The following STOX2 variants were observed in gnomAD, a reference collection of about 807,000 sequenced individuals.
The protein encoded by STOX2 is storkhead box 2.
A neutral mutation model predicts 60.9 loss-of-function variants in STOX2; 28 were observed. The ratio of observed to expected loss-of-function variants is 0.46; its 90% CI spans 0.34 to 0.63. The LOEUF (loss-of-function observed/expected upper bound fraction) is 0.63, where lower values mean the gene tolerates loss of function less well. Ranked by LOEUF, STOX2 falls within the 30% of genes least tolerant of loss-of-function variation. The probability of loss-of-function intolerance (pLI) is 0.01; values close to 1 mark genes in which losing one functional copy is unlikely to be tolerated. For missense variants in STOX2, 1,024 were observed against 1,187.7 expected (o/e 0.86, Z 2.03); for synonymous variants, 472 against 463.9 (o/e 1.02, Z -0.22).
At chr4:183,961,654 G>A (rs548918944) in intron 1 of STOX2, among the ~76,000 whole-genome samples, 1 of 152,268 alleles carries the variant, frequency 6.6e-6, no homozygotes, top group African/African-American at 2.4e-5. Context: ...GTGACGTCTG[G>A]GCTTTTAGTG....
chr4:183,915,064 T>G (rs1393504377), intron 1 of STOX2, among the ~76,000 whole-genome samples: 1 of 152,246 alleles, frequency 6.6e-6, no homozygotes, highest in East Asian at 1.9e-4. Context: ...AGGTAACTCA[T>G]ACACACAGTC....
chr4:183,898,699 A>G (rs1377438505), intron 1 of STOX2, among the ~76,000 whole-genome samples: 1 of 152,200 alleles, frequency 6.6e-6, no homozygotes, highest in Non-Finnish European at 1.5e-5. Flanking sequence ...GAGAGCCTGT[A>G]GAGAGTGACA....
chr4:183,911,884 G>A (rs1280641137), intron 1 of STOX2, among the ~76,000 whole-genome samples: 2 of 152,092 alleles, frequency 1.3e-5, no homozygotes, highest in African/African-American at 4.8e-5. Context: ...TAATCTATAA[G>A]GTATAAAGTA....
chr4:183,948,339 C>T (rs6852122), intron 1 of STOX2, among the ~76,000 whole-genome samples: 113,158 of 150,632 alleles, frequency 0.75, 43,750 homozygotes, highest in Middle Eastern at 0.87. Flanking sequence ...TTTTAGGTTG[C>T]GCATTTATTA....
At chr4:183,901,315 A>G (rs776487170), upstream of STOX2, among the ~76,000 whole-genome samples, 2 of 152,268 alleles carry the variant, frequency 1.3e-5, no homozygotes, top group Middle Eastern at 3.4e-3. Flanking sequence ...TCATCCCTCA[A>G]TGGGTACTTG....
intron 1 of STOX2, among the ~76,000 whole-genome samples, chr4:183,822,058 C>A (rs577924874): frequency 6.6e-6 from 1 of 152,326 alleles, no homozygotes; most frequent in East Asian, 1.9e-4. Context: ...GCTCTGCAAA[C>A]TTCCCGTCCT....
chr4:183,908,042 TC>T (rs1181570785), intron 1 of STOX2, among the ~76,000 whole-genome samples: 3 of 152,200 alleles, frequency 2.0e-5, no homozygotes, highest in African/African-American at 7.2e-5. Context: ...TTACTCTTTT[TC>T]TCCTAAAACA....
Position 183,906,787 on chromosome 4 carries a change from C to T in STOX2, c.-4C>T. Reference sequence around the variant, plus strand: ...GATCGGGGCGGCAGGTCGCCCTCCCCACCATGAAGAAGACCCGGAGCACAA... The same window carrying T: ...GATCGGGGCGGCAGGTCGCCCTCCCTACCATGAAGAAGACCCGGAGCACAA... On this transcript the variant is annotated 5_prime_UTR_variant, in exon 1 of 4. Transcript: ENST00000308497. 6.5e-7 allele frequency: 1 copy of T among 1,527,044 alleles called. No individual in the cohort carries two copies. The highest frequency in any genetic ancestry group is 8.8e-7 in the Non-Finnish European group (1 of 1,132,586). The allele number at this position is 1,527,044 out of a possible 1,614,324, so 94.6% of individuals were successfully genotyped here. A position where few individuals can be genotyped will look rare whatever the true frequency, so the allele number is the denominator to read the frequency against.
chr4:183,908,900 A>C (rs1741699971), intron 1 of STOX2, among the ~76,000 whole-genome samples: 2 of 152,204 alleles, frequency 1.3e-5, no homozygotes. Flanking sequence ...TTCATTCAGC[A>C]TTTTTATGGC....
chr4:183,811,599 G>A (rs1739035153), intron 1 of STOX2, among the ~76,000 whole-genome samples: 1 of 152,222 alleles, frequency 6.6e-6, no homozygotes, highest in Non-Finnish European at 1.5e-5. Context: ...AAGCAGGAAG[G>A]GGAATAGAAG....
intron 1 of STOX2, among the ~76,000 whole-genome samples, chr4:183,800,707 C>G (rs929843375): frequency 6.6e-6 from 1 of 152,196 alleles, no homozygotes; most frequent in African/African-American, 2.4e-5. Context: ...TAAGTCTTAT[C>G]ATTCTTGTGG....
intron 1 of STOX2, among the ~76,000 whole-genome samples, chr4:183,861,776 C>A (rs1415254061): frequency 6.6e-6 from 1 of 152,102 alleles, no homozygotes; most frequent in East Asian, 1.9e-4. Context: ...TATCATTTTT[C>A]CTATATTTAT....
intron 1 of STOX2, among the ~76,000 whole-genome samples, chr4:183,907,645 T>C (rs1002536180): frequency 3.3e-5 from 5 of 152,188 alleles, no homozygotes; most frequent in East Asian, 3.8e-4. Flanking sequence ...AGGGAAGGCT[T>C]CAAAAAAGAT....
chr4:183,958,536 T>C (rs1579469321), intron 1 of STOX2, among the ~76,000 whole-genome samples: 2 of 152,324 alleles, frequency 1.3e-5, no homozygotes, highest in Middle Eastern at 6.8e-3. Context: ...TCCAAAATTA[T>C]TTCATGACTT....
At chr4:183,835,398 G>C (rs559391090) in intron 1 of STOX2, among the ~76,000 whole-genome samples, 109 of 151,870 alleles carry the variant, frequency 7.2e-4, no homozygotes, top group African/African-American at 2.5e-3. Context: ...TAATTTTTTT[G>C]TATTTTTAGT....
intron 1 of STOX2, among the ~76,000 whole-genome samples, chr4:183,936,547 C>T (rs1057325873): frequency 1.3e-5 from 2 of 151,770 alleles, no homozygotes; most frequent in African/African-American, 4.8e-5. Context: ...TTGACCAAAG[C>T]ACTGAATTGT....
intron 1 of STOX2, among the ~76,000 whole-genome samples, chr4:183,945,339 A>G (rs777869060): frequency 6.6e-6 from 1 of 152,170 alleles, no homozygotes; most frequent in African/African-American, 2.4e-5. Context: ...TACACAGCGG[A>G]GAGAGAGAGG....
At chr4:183,875,560 C>T (rs1048626096) in intron 1 of STOX2, among the ~76,000 whole-genome samples, 1 of 152,232 alleles carries the variant, frequency 6.6e-6, no homozygotes, top group Non-Finnish European at 1.5e-5. Context: ...GCGGGCTTTG[C>T]AGCCTCCTCC....
intron 3 of STOX2, chr4:184,015,691 G>A (rs1007944711): frequency 6.6e-6 from 1 of 152,254 alleles, no homozygotes; most frequent in Non-Finnish European, 1.5e-5. Flanking sequence ...TGAAAGAGAG[G>A]AGAGGATGTC....
Sources: gnomAD v4.1 joint callset for allele counts (sites outside exome capture counted in the v4.1 genomes callset) on GRCh38, gnomAD v4.1.1 for gene constraint, MANE v1.5 for transcripts, NCBI Gene and HGNC (gene_info 2026-07-23, HGNC 2026-07-21) for gene names.